L3MBTL4: variants seen among roughly 807,000 people sequenced by gnomAD.
The protein encoded by L3MBTL4 is L3MBTL histone methyl-lysine binding protein 4, also known as lethal(3)malignant brain tumor-like protein 4.
Under a neutral mutation model 84.5 loss-of-function variants are expected in L3MBTL4, and 70 were observed. The ratio of observed to expected loss-of-function variants is 0.83; its 90% confidence interval spans 0.68 to 1.01. The LOEUF (loss-of-function observed/expected upper bound fraction) is 1.01. Ranked by LOEUF, L3MBTL4 falls within the 50% of genes least tolerant of loss-of-function variation. The pLI is 0.00. For missense variants in L3MBTL4, 715 were observed against 754.8 expected (o/e 0.95, Z 0.62); for synonymous variants, 274 against 259.8 (o/e 1.05, Z -0.52).
At chr18:6,300,698 C>G (rs7232015) in intron 4 of L3MBTL4, among the ~76,000 whole-genome samples, 30,228 of 152,052 alleles carry the variant, frequency 0.2, 3,205 homozygotes, top group African/African-American at 0.27. Flanking sequence ...CAGAATAAGA[C>G]AACCTAAAAC....
rs532058081 is a variant in L3MBTL4, at chr18:6,401,108, C to A, written c.-91+13693G>T. ...GCCCTACCCACCCTTCAAACACAAT[C>A]TGACATTATATTTGGCTCTAATTAT... On this transcript the variant is annotated intron_variant, in intron 1 of 18. Transcript: ENST00000317931. Among the ~76,000 whole-genome samples, 14 of 152,242 alleles carry A rather than the reference C, an allele frequency of 9.2e-5. No homozygotes were observed. In the South Asian group the frequency reaches 2.7e-3, roughly 29 times the overall value.
chr18:5,993,172 G>A (rs556520457), intron 16 of L3MBTL4, among the ~76,000 whole-genome samples: 1 of 152,312 alleles, frequency 6.6e-6, no homozygotes, highest in East Asian at 1.9e-4. Flanking sequence ...GTCAGGAGGA[G>A]GAAGCCTCCC....
chr18:5,959,474 T>C (rs1368675710), intron 18 of L3MBTL4, among the ~76,000 whole-genome samples: 2 of 152,146 alleles, frequency 1.3e-5, no homozygotes, highest in Non-Finnish European at 1.5e-5. Flanking sequence ...CCGGGGCCCC[T>C]ATAGCTATGG....
At chr18:6,136,688 A>AC (rs571633581) in intron 14 of L3MBTL4, among the ~76,000 whole-genome samples, 2,709 of 152,038 alleles carry the variant, frequency 0.018, 37 homozygotes, top group Non-Finnish European at 0.025. Flanking sequence ...AGGGTATTTA[A>AC]CCCCCCTAAA....
chr18:6,039,302 A>G (rs1197971970), intron 16 of L3MBTL4, among the ~76,000 whole-genome samples: 1 of 152,116 alleles, frequency 6.6e-6, no homozygotes, highest in African/African-American at 2.4e-5. Context: ...TGATTAAAAC[A>G]CTGAAGGAAA....
intron 10 of L3MBTL4, among the ~76,000 whole-genome samples, chr18:6,217,403 C>T (rs1296823902): frequency 6.6e-6 from 1 of 152,152 alleles, no homozygotes; most frequent in Non-Finnish European, 1.5e-5. Flanking sequence ...TTGTGGTGAA[C>T]ATCTTTTGCT....
chr18:6,006,598 C>T (rs1428637299), intron 16 of L3MBTL4, among the ~76,000 whole-genome samples: 2 of 152,160 alleles, frequency 1.3e-5, no homozygotes, highest in Non-Finnish European at 2.9e-5. Context: ...ATGACTACCC[C>T]ATAACCCAAT....
chr18:6,343,479 T>C (rs112939841), intron 1 of L3MBTL4, among the ~76,000 whole-genome samples: 1,830 of 152,034 alleles, frequency 0.012, 41 homozygotes, highest in African/African-American at 0.038. Context: ...CTGACTAACA[T>C]GGTGAAACCC....
chr18:6,110,103 A>G (rs938592060), intron 14 of L3MBTL4, among the ~76,000 whole-genome samples: 1 of 151,986 alleles, frequency 6.6e-6, no homozygotes. Flanking sequence ...GAAGTATAAT[A>G]ACTCAGTCTA....
At chr18:6,357,149 A>C (rs2053485146) in intron 1 of L3MBTL4, among the ~76,000 whole-genome samples, 1 of 152,166 alleles carries the variant, frequency 6.6e-6, no homozygotes, top group African/African-American at 2.4e-5. Flanking sequence ...GTTAGCTCCC[A>C]CCTGAAACCT....
At position 6,414,560 on chromosome 18, in the gene L3MBTL4, G is replaced by A. The variant is rs2056113572; in HGVS notation, c.-91+241C>T. 6.6e-6 allele frequency: 1 copy of A among 152,068 alleles called. No homozygotes were observed. Among genetic ancestry groups the A allele is most frequent in the Non-Finnish European group, 1.5e-5 (1 of 68,016 alleles). The allele number at this position is 152,068 out of a possible 1,614,324, so 9.4% of individuals were successfully genotyped here. A position where few individuals can be genotyped will look rare whatever the true frequency, so the allele number is the denominator to read the frequency against. On this transcript the variant is annotated intron_variant, in intron 1 of 18. Transcript: ENST00000317931. This position sits in a 1 kb window ranked among gnomAD's most constrained non-coding sequence, Gnocchi z 5.4. ...CGCCCGTCCAAAGTAGGCGACAAGT[G>A]AGGCAGCGCCTCTCGCGGGGAGCCC...
At chr18:6,336,153 T>C (rs2143332238) in intron 1 of L3MBTL4, among the ~76,000 whole-genome samples, 1 of 152,114 alleles carries the variant, frequency 6.6e-6, no homozygotes, top group Non-Finnish European at 1.5e-5. Context: ...AATACTTTCT[T>C]GAATGACAAA....
chr18:6,328,445 T>C (rs532406094), intron 1 of L3MBTL4, among the ~76,000 whole-genome samples: 4 of 152,292 alleles, frequency 2.6e-5, no homozygotes, highest in African/African-American at 9.6e-5. Context: ...CTTGCCAAAA[T>C]TGAATGTTCC....
chr18:6,330,277 G>C (rs76568329), intron 1 of L3MBTL4, among the ~76,000 whole-genome samples: 2 of 152,188 alleles, frequency 1.3e-5, no homozygotes, highest in Non-Finnish European at 2.9e-5. Flanking sequence ...CAACACAAAT[G>C]TATTATCTTA....
chr18:6,167,097 T>G (rs1416637991), intron 13 of L3MBTL4, among the ~76,000 whole-genome samples: 2 of 152,046 alleles, frequency 1.3e-5, no homozygotes, highest in East Asian at 1.9e-4. Context: ...TAAATTCCTG[T>G]ACACATACAC....
chr18:6,276,658 A>G (rs2146531676), intron 4 of L3MBTL4, among the ~76,000 whole-genome samples: 1 of 151,968 alleles, frequency 6.6e-6, no homozygotes, highest in Middle Eastern at 3.4e-3. Flanking sequence ...AAGCATTAAA[A>G]AAAAAAAAAA....
chr18:6,374,953 C>T (rs908471154), intron 1 of L3MBTL4, among the ~76,000 whole-genome samples: 6 of 152,110 alleles, frequency 3.9e-5, no homozygotes, highest in African/African-American at 1.2e-4. Flanking sequence ...AGACACAATT[C>T]GATAAAGCCT....
At chr18:6,250,211 C>A (rs916006642) in intron 5 of L3MBTL4, among the ~76,000 whole-genome samples, 1 of 152,170 alleles carries the variant, frequency 6.6e-6, no homozygotes, top group Non-Finnish European at 1.5e-5. Context: ...TTCCACACCT[C>A]TTGACAAAAG....
intron 5 of L3MBTL4, chr18:6,258,549 C>T (rs2048257129): frequency 6.6e-6 from 1 of 152,280 alleles, no homozygotes; most frequent in African/African-American, 2.4e-5. Context: ...AACAAAGGAA[C>T]TACAAGTCTT....
Sources: gnomAD v4.1 joint callset for allele counts (sites outside exome capture counted in the v4.1 genomes callset) on GRCh38, gnomAD v4.1.1 for gene constraint, Gnocchi (gnomAD v3.1) non-coding constraint, MANE v1.5 for transcripts, NCBI Gene and HGNC (gene_info 2026-07-23, HGNC 2026-07-21) for gene names.